PALB2: variants seen among roughly 807,000 people sequenced by gnomAD.
The protein encoded by PALB2 is mutant partner and localizer of BRCA2.
Under a neutral mutation model 107.4 loss-of-function variants are expected in PALB2, and 82 were observed. The ratio of observed to expected loss-of-function variants is 0.76; its 90% CI spans 0.64 to 0.92. The LOEUF (loss-of-function observed/expected upper bound fraction) is 0.92, where lower values mean the gene tolerates loss of function less well. PALB2 is among the 40% of genes least tolerant of loss of function. The pLI is 0.00. For missense variants in PALB2, 1,374 were observed against 1,379.9 expected (o/e 1.00, Z 0.07); for synonymous variants, 489 against 496.8 (o/e 0.98, Z 0.21).
At chr16:23,622,862 C>T (rs1290073400) in intron 9 of PALB2, 107 bp downstream of exon 9, 4 of 1,264,958 alleles carry the variant, frequency 3.2e-6, no homozygotes, top group Non-Finnish European at 4.6e-6. Context: ...GCTTATATTA[C>T]ACCCCCAGCA....
chr16:23,620,245 G>T (rs1012033983), intron 10 of PALB2, among the ~76,000 whole-genome samples: 1 of 152,220 alleles, frequency 6.6e-6, no homozygotes. Flanking sequence ...AGTTTAAAGG[G>T]TCAATCAAAT....
chr16:23,626,655 T>C (rs187840962), intron 6 of PALB2, among the ~76,000 whole-genome samples: 5 of 152,274 alleles, frequency 3.3e-5, no homozygotes. Context: ...TGAGTCTCAC[T>C]TTATCACCCA....
At chr16:23,626,502 T>C (rs1966843137) in intron 6 of PALB2, 105 bp from the exon 7 acceptor site, 6 of 1,407,596 alleles carry the variant, frequency 4.3e-6, no homozygotes, top group South Asian at 1.2e-5. Context: ...ACAGTAGGTA[T>C]GTAAAATTTA....
At chr16:23,605,651 T>G (rs1014802790) in intron 12 of PALB2, among the ~76,000 whole-genome samples, 4 of 152,134 alleles carry the variant, frequency 2.6e-5, no homozygotes, top group African/African-American at 9.7e-5. Flanking sequence ...TCAAGTGATC[T>G]GCCCGCCTCG....
Position 23,630,184 on chromosome 16 carries a change from T to C in PALB2, c.1970A>G (p.Glu657Gly), listed in dbSNP as rs2142384653. ...HLKEGSCIFP[E>G]ELSPKRMDTE... ...ATCCATGCGTTTAGGACTCAGTTCC[T>C]CTGGAAAAATACAGCTTCCCTCTTT... The change falls in exon 5 of 13, where the codon GAG (glutamate) becomes GGG (glycine). Residue 657 changes from glutamate (E) to glycine (G), a missense_variant. Physicochemically the swap from Glu to Gly is moderately conservative, Grantham distance 98 (BLOSUM62 -2). Coordinates refer to ENST00000261584, the MANE Select transcript of PALB2 (RefSeq NM_024675.4). 1 of 1,614,178 alleles carries C rather than the reference T, an allele frequency of 6.2e-7. No homozygotes were observed. The highest frequency in any genetic ancestry group is 8.5e-7 in the Non-Finnish European group (1 of 1,180,028).
chr16:23,625,551 T>C (rs998536892), intron 7 of PALB2, among the ~76,000 whole-genome samples: 14 of 151,392 alleles, frequency 9.2e-5, no homozygotes, highest in African/African-American at 3.4e-4. Context: ...TCCCAGCACT[T>C]TGCGAGGCTG....
At chr16:23,627,265 A>C (rs1005975704) in intron 6 of PALB2, among the ~76,000 whole-genome samples, 57 of 151,954 alleles carry the variant, frequency 3.8e-4, no homozygotes, top group African/African-American at 7.5e-4. Flanking sequence ...AGGCGGGTGG[A>C]TCATGAGGTC....
chr16:23,617,277 A>G (rs761057746), intron 10 of PALB2, among the ~76,000 whole-genome samples: 1 of 152,218 alleles, frequency 6.6e-6, no homozygotes, highest in Non-Finnish European at 1.5e-5. Context: ...GATAAGTAAC[A>G]GCTTTTGACA....
chr16:23,641,134 G>C lies in PALB2; in HGVS notation c.24C>G (p.Pro8=). 1 of 1,613,448 alleles carries C rather than the reference G, an allele frequency of 6.2e-7. No individual in the cohort carries two copies. The highest frequency in any genetic ancestry group is 8.5e-7 in the Non-Finnish European group (1 of 1,179,860). The change falls in exon 1 of 13, where the codon CCC becomes CCG. Residue 8 remains proline, a synonymous_variant. Coordinates refer to ENST00000261584, the MANE Select transcript of PALB2 (RefSeq NM_024675.4). MDEPPGK[P]LSCEEKEKLK... Reference sequence around the variant, plus strand: ...CCTTTTCCTTCTCCTCACAGCTGAGGGGCTTCCCGGGAGGCTCGTCCATCG... The same window carrying C: ...CCTTTTCCTTCTCCTCACAGCTGAGCGGCTTCCCGGGAGGCTCGTCCATCG...
intron 10 of PALB2, among the ~76,000 whole-genome samples, chr16:23,620,289 T>C (rs1424359520): frequency 1.3e-5 from 2 of 151,740 alleles, no homozygotes; most frequent in Non-Finnish European, 1.5e-5. Context: ...AATTTAGGGT[T>C]CTTTTTTTTA....
At chr16:23,615,948 G>C (rs1966677552) in intron 10 of PALB2, among the ~76,000 whole-genome samples, 1 of 152,198 alleles carries the variant, frequency 6.6e-6, no homozygotes, top group Non-Finnish European at 1.5e-5. Flanking sequence ...ACAGGCGTGA[G>C]CCACCGCGCC....
Position 23,634,987 on chromosome 16 carries a change from C to A in PALB2, c.1559G>T (p.Cys520Phe). 6.2e-7 allele frequency: 1 copy of A among 1,614,162 alleles called. No homozygotes were observed. Among genetic ancestry groups the A allele is most frequent in the Non-Finnish European group, 8.5e-7 (1 of 1,180,028 alleles). Residue 520 changes from cysteine (C) to phenylalanine (F), a missense_variant, in exon 4 of 13, where the codon TGC becomes TTC. Transcript: ENST00000261584. ...TTCACAATGATCTGATGCTGGGGTGCAGGCTGATTTTCTTTTTCCTGTGTA... is the reference window on the plus strand; with the variant it reads ...TTCACAATGATCTGATGCTGGGGTGAAGGCTGATTTTCTTTTTCCTGTGTA... ...RRYTGKRKSACTPASDHCEPL... is the reference protein window; with the variant it reads ...RRYTGKRKSAFTPASDHCEPL...
chr16:23,629,184 G>C lies in PALB2; in HGVS notation c.2586+20C>G, dbSNP rs2142367431. The C allele has an allele frequency of 6.3e-7, 1 of 1,587,166 alleles. No homozygotes were observed. The highest frequency in any genetic ancestry group is 8.6e-7 in the Non-Finnish European group (1 of 1,156,228). On this transcript the variant is annotated intron_variant, in intron 6 of 12. Transcript: ENST00000261584. ...TTCATATGTAAGACACGAGACACTG[G>C]AAGAGAATATTCTTCTGACCTTTAA...
chr16:23,624,263 T>C (rs1481964340), intron 7 of PALB2, among the ~76,000 whole-genome samples, 169 bp from the exon 8 acceptor site: 1 of 152,254 alleles, frequency 6.6e-6, no homozygotes, highest in African/African-American at 2.4e-5. Flanking sequence ...AAATAAACTA[T>C]ATGCATAATA....
intron 11 of PALB2, among the ~76,000 whole-genome samples, chr16:23,612,216 TTTTATTTA>T (rs779025217): frequency 5.9e-5 from 9 of 152,024 alleles, no homozygotes; most frequent in African/African-American, 1.9e-4. Flanking sequence ...AGTCAAGGCT[TTTTATTTA>T]TTTATTTATT....
intron 11 of PALB2, 108 bp downstream of exon 11, chr16:23,613,896 A>T: frequency 1.2e-6 from 1 of 814,154 alleles, no homozygotes; most frequent in African/African-American, 1.7e-5. Flanking sequence ...CCAATTTTGA[A>T]AAAAGATGCC....
At chr16:23,610,059 A>G (rs557777456) in intron 11 of PALB2, among the ~76,000 whole-genome samples, 146 of 152,338 alleles carry the variant, frequency 9.6e-4, no homozygotes, top group African/African-American at 3.4e-3. Flanking sequence ...GAAAAATAAC[A>G]TTTTGTGACA....
chr16:23,635,331 A>C lies in PALB2; in HGVS notation c.1215T>G (p.Pro405=), dbSNP rs1597096698. 6.2e-7 allele frequency: 1 copy of C among 1,614,106 alleles called. No homozygotes were observed. The highest frequency in any genetic ancestry group is 8.5e-7 in the Non-Finnish European group (1 of 1,180,036). Residue 405 remains proline (P), a synonymous_variant, in exon 4 of 13, where the codon CCT becomes CCG. Transcript: ENST00000261584. ...SCTVPEGLLF[P]AEYYVRTTRS... is the part of the protein sequence containing the mutation. The stretch of plus-strand genomic sequence containing the variant: ...GTGTTGTTCTAACATAATATTCTGC[A>C]GGAAACAGAAGGCCTTCAGGCACTG...
intron 10 of PALB2, among the ~76,000 whole-genome samples, chr16:23,617,449 G>A (rs1181406883): frequency 6.6e-6 from 1 of 151,916 alleles, no homozygotes; most frequent in African/African-American, 2.4e-5. Context: ...GCCAGGTGCG[G>A]CAGCTTATGT....
Sources: gnomAD v4.1 joint callset for allele counts (sites outside exome capture counted in the v4.1 genomes callset) on GRCh38, gnomAD v4.1.1 for gene constraint, MANE v1.5 for transcripts, NCBI Gene and HGNC (gene_info 2026-07-23, HGNC 2026-07-21) for gene names.